PPIL4: variants seen among roughly 807,000 people sequenced by gnomAD.
PPIL4 encodes the protein peptidylprolyl isomerase like 4, also known as peptidyl-prolyl cis-trans isomerase-like 4.
Under a neutral mutation model 69.1 loss-of-function variants are expected in PPIL4, and 50 were observed. The observed-to-expected ratio is 0.72, with a 90% CI of 0.58 to 0.92. PPIL4 has a LOEUF of 0.92. Among genes scored for constraint, PPIL4 ranks in the 40% least tolerant of loss-of-function variants. The probability of loss-of-function intolerance (pLI) is 0.00; values close to 1 mark genes in which losing one functional copy is unlikely to be tolerated. For missense variants in PPIL4, 480 were observed against 587.9 expected (o/e 0.82, Z 1.90); for synonymous variants, 193 against 191.6 (o/e 1.01, Z -0.06).
chr6:149,513,412 A>AAATATAT (rs1554215970), intron 11 of PPIL4, among the ~76,000 whole-genome samples: 12 of 55,326 alleles, frequency 2.2e-4, no homozygotes, highest in African/African-American at 9.1e-4. Flanking sequence ...AAAAAAAAAA[A>AAATATAT]ATATATATAT....
At chr6:149,515,569 C>T (rs1365217706) in intron 11 of PPIL4, among the ~76,000 whole-genome samples, 1 of 151,722 alleles carries the variant, frequency 6.6e-6, no homozygotes, top group Non-Finnish European at 1.5e-5. Flanking sequence ...GGTTTTTTTT[C>T]CCCACTCCAA....
chr6:149,545,357 T>G (rs1466943331), intron 1 of PPIL4, among the ~76,000 whole-genome samples: 1 of 152,078 alleles, frequency 6.6e-6, no homozygotes, highest in Non-Finnish European at 1.5e-5. Context: ...CATAGAAAAC[T>G]AAAATGGGTT....
At chr6:149,539,987 G>A (rs1043939262) in intron 4 of PPIL4, among the ~76,000 whole-genome samples, 21 of 152,078 alleles carry the variant, frequency 1.4e-4, no homozygotes, top group African/African-American at 4.3e-4. Context: ...GAAAGTAGCC[G>A]AGCGTGGTGG....
chr6:149,538,264 C>CA (rs879442295), intron 4 of PPIL4, among the ~76,000 whole-genome samples: 268 of 137,854 alleles, frequency 1.9e-3, no homozygotes, highest in South Asian at 0.012. Flanking sequence ...GAATCTGTCT[C>CA]AAAAAAAAAA....
chr6:149,517,705 C>A (rs987492208), intron 10 of PPIL4: 8 of 290,050 alleles, frequency 2.8e-5, no homozygotes, highest in Non-Finnish European at 4.5e-5. Context: ...AAATAAATTA[C>A]ACACAAATGC....
chr6:149,541,542 A>G lies in PPIL4; in HGVS notation c.115T>C (p.Tyr39His). The stretch of plus-strand genomic sequence containing the variant: ...ACCTGTACATTGTGAATAAGGCAAT[A>G]ATTGTAATATTTTATTTTGCACAGT... ...LKLCKIKYYN[Y>H]CLIHNVQRDF... The change falls in exon 2 of 13, where the codon TAT becomes CAT. Residue 39 changes from tyrosine (Y) to histidine (H), a missense_variant. Physicochemically the swap from Tyr to His is moderately conservative, Grantham distance 83. Coordinates refer to ENST00000253329, the MANE Select transcript of PPIL4 (RefSeq NM_139126.4). 6.3e-7 allele frequency: 1 copy of G among 1,588,118 alleles called. No individual in the cohort carries two copies. Among genetic ancestry groups the G allele is most frequent in the Non-Finnish European group, 8.6e-7 (1 of 1,157,720 alleles).
At chr6:149,535,792 G>C (rs1423847766) in intron 4 of PPIL4, 54 bp from the exon 5 acceptor site, 1 of 1,320,878 alleles carries the variant, frequency 7.6e-7, no homozygotes, top group Non-Finnish European at 1.0e-6. Flanking sequence ...AACTCAAACT[G>C]AAATCAGTTA....
At chr6:149,525,315 A>C in intron 8 of PPIL4, 106 bp from the exon 9 acceptor site, 2 of 583,848 alleles carry the variant, frequency 3.4e-6, no homozygotes, top group Non-Finnish European at 6.2e-6. Context: ...CTACAAGGCA[A>C]AGTTAAATTC....
Position 149,521,046 on chromosome 6 carries a change from A to T in PPIL4, c.982+14T>A. On this transcript the variant is annotated intron_variant, in intron 10 of 12. Transcript: ENST00000253329. ...AAAAAAAGCAGAACAAAAACAAAAG[A>T]TAAACCATCATACCTTTTCCTTTCC... 7.3e-7 allele frequency: 1 copy of T among 1,364,268 alleles called. No individual in the cohort carries two copies. The allele number at this position is 1,364,268 out of a possible 1,614,324, so 84.5% of individuals were successfully genotyped here. A position where few individuals can be genotyped will look rare whatever the true frequency, so the allele number is the denominator to read the frequency against.
intron 4 of PPIL4, among the ~76,000 whole-genome samples, chr6:149,538,936 T>TC (rs1490547450): frequency 6.6e-6 from 1 of 151,674 alleles, no homozygotes; most frequent in African/African-American, 2.4e-5. Flanking sequence ...AACCTCCACC[T>TC]CCCAGGTTCA....
intron 10 of PPIL4, among the ~76,000 whole-genome samples, chr6:149,520,265 A>C (rs980676957): frequency 2.6e-5 from 4 of 152,174 alleles, no homozygotes; most frequent in African/African-American, 9.7e-5. Context: ...AATGTAGGGG[A>C]AAGTTAGTAC....
intron 8 of PPIL4, 27 bp from the exon 9 acceptor site, chr6:149,525,236 T>TAAAAAAAAAAAA (rs747605524): frequency 1.2e-6 from 1 of 813,772 alleles, no homozygotes; most frequent in African/African-American, 1.9e-5. Context: ...AAAAGTGACT[T>TAAAAAAAAAAAA]AAAAAAAAAA....
chr6:149,534,736 T>C lies in PPIL4; in HGVS notation c.503A>G (p.Asp168Gly). The C allele has an allele frequency of 6.3e-7, 1 of 1,596,158 alleles. No homozygotes were observed. ...ATCAGGGATTAATAAATCAGGAGGG[T>C]CATCAAATGGATCATCTAAAATCAC... is the stretch of plus-strand genomic sequence containing the variant. Reference protein sequence around the residue: ...HTVILDDPFDDPPDLLIPDRS... With the variant: ...HTVILDDPFDGPPDLLIPDRS... Residue 168 changes from aspartate to glycine, a missense_variant, in exon 6 of 13, where the codon GAC becomes GGC. Transcript: ENST00000253329.
chr6:149,535,184 G>A (rs1282412090), intron 5 of PPIL4, among the ~76,000 whole-genome samples: 3 of 152,028 alleles, frequency 2.0e-5, no homozygotes, highest in South Asian at 2.1e-4. Context: ...GTGAAACCCC[G>A]TCTCTACTAA....
chr6:149,510,422 C>T (rs1191641258), intron 12 of PPIL4, among the ~76,000 whole-genome samples: 3 of 152,166 alleles, frequency 2.0e-5, no homozygotes, highest in Admixed American at 2.0e-4. Flanking sequence ...GTTAAAGCAA[C>T]CCTTAAAACA....
At chr6:149,543,526 A>T (rs1208067997) in intron 1 of PPIL4, among the ~76,000 whole-genome samples, 2 of 152,196 alleles carry the variant, frequency 1.3e-5, no homozygotes, top group African/African-American at 4.8e-5. Flanking sequence ...TTTAAATGAT[A>T]CTAAAAATTA....
chr6:149,515,183 C>T (rs1031925256), intron 11 of PPIL4, among the ~76,000 whole-genome samples: 1 of 147,640 alleles, frequency 6.8e-6, no homozygotes, highest in Non-Finnish European at 1.5e-5. Context: ...GACCGGGTCT[C>T]GCTATATTGC....
chr6:149,534,750 A>G lies in PPIL4; in HGVS notation c.489T>C (p.Asp163=). The G allele has an allele frequency of 6.3e-7, 1 of 1,584,420 alleles. No homozygotes were observed. ...DIRINHTVIL[D]DPFDDPPDLL... Reference sequence around the variant, plus strand: ...AATCAGGAGGGTCATCAAATGGATCATCTAAAATCACCGTATGATTTATCC... The same window carrying G: ...AATCAGGAGGGTCATCAAATGGATCGTCTAAAATCACCGTATGATTTATCC... The change falls in exon 6 of 13, where the codon GAT becomes GAC. Residue 163 remains aspartate (D), a synonymous_variant. Transcript: ENST00000253329.
At chr6:149,526,355 C>T (rs972157454) in intron 8 of PPIL4, among the ~76,000 whole-genome samples, 1 of 152,090 alleles carries the variant, frequency 6.6e-6, no homozygotes, top group African/African-American at 2.4e-5. Flanking sequence ...TTAAAGAAGG[C>T]TGTTGAGAGT....
Sources: allele counts gnomAD v4.1 joint callset (sites outside exome capture counted in the v4.1 genomes callset), GRCh38; gene constraint gnomAD v4.1.1; transcripts MANE v1.5; gene names NCBI Gene and HGNC (gene_info 2026-07-23, HGNC 2026-07-21).